CDNF: variants seen among roughly 807,000 people sequenced by gnomAD.
The protein encoded by CDNF is cerebral dopamine neurotrophic factor.
A neutral mutation model predicts 14.8 loss-of-function variants in CDNF; 9 were observed. The observed-to-expected ratio is 0.61, with a 90% CI of 0.37 to 1.06. CDNF has a LOEUF of 1.06. CDNF is among the 50% of genes least tolerant of loss of function. CDNF has a pLI of 0.01. For synonymous variants in CDNF, 86 were observed against 87.2 expected (o/e 0.99, Z 0.07); for missense variants, 228 against 228.4 (o/e 1.00, Z 0.01).
At chr10:14,835,165 T>G (rs535599405) in intron 1 of CDNF, among the ~76,000 whole-genome samples, 8 of 152,318 alleles carry the variant, frequency 5.3e-5, no homozygotes, top group African/African-American at 1.9e-4. Context: ...AGAGGGCATG[T>G]TCACTAGTCA....
At chr10:14,825,332 A>T (rs1833770416) in intron 3 of CDNF, 147 bp downstream of exon 3, 2 of 743,144 alleles carry the variant, frequency 2.7e-6, no homozygotes, top group Non-Finnish European at 4.5e-6. Flanking sequence ...TCAAATGCCC[A>T]TAGGTACCAT....
intron 1 of CDNF, 86 bp from the exon 2 acceptor site, chr10:14,828,358 T>C (rs544535763): frequency 2.3e-4 from 305 of 1,347,782 alleles, no homozygotes; most frequent in Non-Finnish European, 3.0e-4. Flanking sequence ...CATTTAAAAG[T>C]CTATATGGGG....
intron 3 of CDNF, among the ~76,000 whole-genome samples, chr10:14,822,757 A>T (rs1833747869): frequency 6.6e-6 from 1 of 152,208 alleles, no homozygotes; most frequent in Non-Finnish European, 1.5e-5. Flanking sequence ...TAAAAACATT[A>T]AAAACCTAAT....
Position 14,820,018 on chromosome 10 carries a change from G to C in CDNF, c.526C>G (p.Pro176Ala). ...DYVNLIQELA[P>A]KYAATHPKTE... Reference sequence around the variant, plus strand: ...TTGGGGTGTGTCGCTGCATACTTGGGGGCCAGCTCTTGAATGAGATTCACA... The same window carrying C: ...TTGGGGTGTGTCGCTGCATACTTGGCGGCCAGCTCTTGAATGAGATTCACA... The change falls in exon 4 of 4, where the codon CCC becomes GCC. Residue 176 changes from proline to alanine, a missense_variant. By Grantham distance (27) the Pro-to-Ala change is conservative (BLOSUM62 -1). Coordinates refer to ENST00000465530, the MANE Select transcript of CDNF (RefSeq NM_001029954.3). 1 of 1,613,990 alleles carries C rather than the reference G, an allele frequency of 6.2e-7. No homozygotes were observed. The highest frequency in any genetic ancestry group is 8.5e-7 in the Non-Finnish European group (1 of 1,180,016).
intron 2 of CDNF, among the ~76,000 whole-genome samples, chr10:14,826,092 AAGAAGCAGCAGCAGCAGCAGCAGC>A (rs1833783971): frequency 9.0e-6 from 1 of 110,980 alleles, no homozygotes; most frequent in Non-Finnish European, 2.0e-5. Context: ...GAAGAAGAAG[AAGAAGCAGCAGCAGCAGCAGCAGC>A]AGCAGCAGAA....
intron 1 of CDNF, among the ~76,000 whole-genome samples, chr10:14,837,141 A>G (rs1201876857): frequency 6.6e-6 from 1 of 152,216 alleles, no homozygotes; most frequent in Non-Finnish European, 1.5e-5. Flanking sequence ...GGAAGGGGCT[A>G]GCATAGCCAC....
chr10:14,837,843 G>A lies in CDNF; in HGVS notation c.104C>T (p.Ala35Val). 1 of 1,588,468 alleles carries A rather than the reference G, an allele frequency of 6.3e-7. No homozygotes were observed. Among genetic ancestry groups the A allele is most frequent in the Non-Finnish European group, 8.6e-7 (1 of 1,169,220 alleles). Residue 35 changes from alanine (A) to valine (V), a missense_variant, in exon 1 of 4, where the codon GCC becomes GTC. Ala to Val is a moderately conservative substitution (Grantham distance 64, BLOSUM62 0). Transcript: ENST00000465530. Reference protein sequence around the residue: ...QGQEAGGRPGADCEVCKEFLN... With the variant: ...QGQEAGGRPGVDCEVCKEFLN... ...GTCACACCGCTCACCTTCACAGTCG[G>A]CCCCTGGCCGCCCCCCGGCCTCCTG...
intron 2 of CDNF, among the ~76,000 whole-genome samples, chr10:14,826,099 AGCAGCAGCAGCAGCAGC>A (rs1833784880): frequency 1.9e-5 from 2 of 107,784 alleles, no homozygotes; most frequent in Non-Finnish European, 3.6e-5. Flanking sequence ...AAGAAGAAGC[AGCAGCAGCAGCAGCAGC>A]AGCAGCAGAA....
intron 1 of CDNF, among the ~76,000 whole-genome samples, chr10:14,832,987 G>A (rs1334760548): frequency 6.6e-6 from 1 of 150,602 alleles, no homozygotes; most frequent in Non-Finnish European, 1.5e-5. Flanking sequence ...AGCCTCCTGA[G>A]TAGCTGGGAT....
chr10:14,828,333 A>G (rs1241935493), intron 1 of CDNF, 61 bp from the exon 2 acceptor site: 2 of 1,531,944 alleles, frequency 1.3e-6, no homozygotes, highest in Non-Finnish European at 1.8e-6. Flanking sequence ...ACCTATGCAT[A>G]TGACCCACTA....
chr10:14,829,335 G>A (rs1379192717), intron 1 of CDNF, among the ~76,000 whole-genome samples: 1 of 152,132 alleles, frequency 6.6e-6, no homozygotes, highest in Non-Finnish European at 1.5e-5. Flanking sequence ...ATCAGGCTGG[G>A]CATAGTGGAT....
chr10:14,832,984 T>A (rs1329156900), intron 1 of CDNF, among the ~76,000 whole-genome samples: 1 of 150,402 alleles, frequency 6.6e-6, no homozygotes, highest in East Asian at 2.0e-4. Context: ...CTCAGCCTCC[T>A]GAGTAGCTGG....
chr10:14,833,975 A>T (rs772132096), intron 1 of CDNF, among the ~76,000 whole-genome samples: 6 of 152,202 alleles, frequency 3.9e-5, no homozygotes, highest in Non-Finnish European at 7.3e-5. Context: ...TATTTTGCTG[A>T]GTTTAATTAG....
At chr10:14,833,550 T>C (rs2131628185) in intron 1 of CDNF, among the ~76,000 whole-genome samples, 1 of 152,334 alleles carries the variant, frequency 6.6e-6, no homozygotes, top group South Asian at 2.1e-4. Context: ...ATAGATTATA[T>C]GTTCTGTTTG....
chr10:14,831,686 T>C (rs569834063), intron 1 of CDNF, among the ~76,000 whole-genome samples: 26 of 152,120 alleles, frequency 1.7e-4, no homozygotes, highest in Admixed American at 1.2e-3. Flanking sequence ...GCAATTCTCC[T>C]GCCTCAGACT....
intron 2 of CDNF, among the ~76,000 whole-genome samples, chr10:14,826,107 CAG>C (rs1833785478): frequency 8.1e-6 from 1 of 124,220 alleles, no homozygotes; most frequent in Non-Finnish European, 1.6e-5. Context: ...GCAGCAGCAG[CAG>C]CAGCAGCAGC....
At chr10:14,837,518 G>C (rs1057162772) in intron 1 of CDNF, among the ~76,000 whole-genome samples, 1 of 152,240 alleles carries the variant, frequency 6.6e-6, no homozygotes, top group African/African-American at 2.4e-5. Flanking sequence ...GTTGGAAGCA[G>C]CAGAATCAAT....
chr10:14,820,959 G>C (rs952204128), intron 3 of CDNF, among the ~76,000 whole-genome samples: 1 of 151,956 alleles, frequency 6.6e-6, no homozygotes, highest in Non-Finnish European at 1.5e-5. Context: ...CCCCCTTTGC[G>C]CTCTTCCTCT....
chr10:14,833,175 A>G (rs1833860579), intron 1 of CDNF, among the ~76,000 whole-genome samples: 4 of 152,194 alleles, frequency 2.6e-5, no homozygotes, highest in African/African-American at 9.6e-5. Flanking sequence ...CAGTCTTGAC[A>G]TATGAAGTTC....
Sources: gnomAD v4.1 joint callset for allele counts (sites outside exome capture counted in the v4.1 genomes callset) on GRCh38, gnomAD v4.1.1 for gene constraint, MANE v1.5 for transcripts, NCBI Gene and HGNC (gene_info 2026-07-23, HGNC 2026-07-21) for gene names.